XPO5: variants seen among roughly 807,000 people sequenced by gnomAD.
XPO5 encodes the protein exportin-5.
A neutral mutation model predicts 160.6 loss-of-function variants in XPO5; 46 were observed. That is an observed-to-expected ratio of 0.29 (90% CI 0.23 to 0.37). The LOEUF is 0.37. Ranked by LOEUF, XPO5 falls within the 10% of genes least tolerant of loss-of-function variation. XPO5 has a pLI of 1.00. For missense variants in XPO5, 1,090 were observed against 1,463.9 expected (o/e 0.74, Z 4.17); for synonymous variants, 537 against 519.3 (o/e 1.03, Z -0.46).
At chr6:43,531,388 C>G in intron 22 of XPO5, 91 bp downstream of exon 22, 1 of 1,193,152 alleles carries the variant, frequency 8.4e-7, no homozygotes, top group South Asian at 1.2e-5. Context: ...CTCGCCTTAC[C>G]TGTACACTAG....
chr6:43,555,753 T>G, intron 13 of XPO5, 83 bp downstream of exon 13: 1 of 1,555,734 alleles, frequency 6.4e-7, no homozygotes, highest in Non-Finnish European at 8.8e-7. Context: ...TTCTGATGTG[T>G]GTATAGCTCA....
chr6:43,535,185 G>A (rs1582206003), intron 20 of XPO5, among the ~76,000 whole-genome samples: 1 of 151,674 alleles, frequency 6.6e-6, no homozygotes, highest in South Asian at 2.1e-4. Context: ...CCAGCTACTC[G>A]GGAGGCTGAG....
intron 20 of XPO5, among the ~76,000 whole-genome samples, chr6:43,537,564 G>A (rs769962564): frequency 1.3e-5 from 2 of 152,142 alleles, no homozygotes; most frequent in Non-Finnish European, 2.9e-5. Context: ...ATGTTCCAAC[G>A]GAAGTTTACT....
rs781443604 is a variant in XPO5 at position 43,523,720 on chromosome 6, C to T, written c.*148G>A. On this transcript the variant is annotated 3_prime_UTR_variant, in exon 32 of 32. Coordinates refer to ENST00000265351, the MANE Select transcript of XPO5 (RefSeq NM_020750.3). ...AATTACTTCTGGTCCTGCACAGGGC[C>T]TGTTCTCTCCAGCTCCAGACCTGGA... The T allele has an allele frequency of 7.9e-7, 1 of 1,262,640 alleles. No individual in the cohort carries two copies. Among genetic ancestry groups the T allele is most frequent in the Non-Finnish European group, 1.2e-6 (1 of 859,960 alleles). The allele number at this position is 1,262,640 out of a possible 1,614,324, so 78.2% of individuals were successfully genotyped here.
In XPO5 at chr6:43,553,428, A is replaced by C. The variant is rs774990366; in HGVS notation, c.1517T>G (p.Met506Arg). 6.2e-7 allele frequency: 1 copy of C among 1,602,662 alleles called. No homozygotes were observed. Residue 506 changes from methionine (M) to arginine (R), a missense_variant, in exon 14 of 32, where the codon ATG (methionine) becomes AGG (arginine). By Grantham distance (91) the Met-to-Arg change is moderately conservative. Transcript: ENST00000265351. ...GATAACACTTTCCAAAAAAAGAGTC[A>C]TGGCTTCCCACTGCACGAATGAAGG... ...FSPSFVQWEAMTLFLESVITQ... is the reference protein window; with the variant it reads ...FSPSFVQWEARTLFLESVITQ...
chr6:43,524,857 G>C lies in XPO5; in HGVS notation c.3286C>G (p.Leu1096Val). The change falls in exon 30 of 32, where the codon CTG becomes GTG. Residue 1096 changes from leucine to valine, a missense_variant. Coordinates refer to ENST00000265351, the MANE Select transcript of XPO5 (RefSeq NM_020750.3). ...AGTGCCTCGTATATCTGGAAGGCCA[G>C]ATGGACCAGGGAAGCCATGCACCCG... ...HDGCMASLVH[L>V]AFQIYEALRP... is the part of the protein sequence containing the mutation. 6.2e-7 allele frequency: 1 copy of C among 1,613,866 alleles called. No homozygotes were observed. Among genetic ancestry groups the C allele is most frequent in the Non-Finnish European group, 8.5e-7 (1 of 1,179,904 alleles).
chr6:43,546,899 C>T, intron 19 of XPO5, 147 bp from the exon 20 acceptor site: 2 of 838,820 alleles, frequency 2.4e-6, no homozygotes, highest in South Asian at 4.0e-5. Context: ...AATCCCCCAT[C>T]CCTTCCTTTA....
At chr6:43,542,225 A>C (rs1561872823) in intron 20 of XPO5, among the ~76,000 whole-genome samples, 1 of 152,130 alleles carries the variant, frequency 6.6e-6, no homozygotes, top group East Asian at 1.9e-4. Context: ...TTCTGAAAGT[A>C]CTGTAACACT....
At position 43,527,718 on chromosome 6, in the gene XPO5, C is replaced by T; in HGVS notation, c.2836G>A (p.Ala946Thr). 1 of 1,613,968 alleles carries T rather than the reference C, an allele frequency of 6.2e-7. No individual in the cohort carries two copies. Among genetic ancestry groups the T allele is most frequent in the South Asian group, 1.1e-5 (1 of 91,076 alleles). The change falls in exon 26 of 32, where the codon GCT becomes ACT. Residue 946 changes from alanine to threonine, a missense_variant. Transcript: ENST00000265351. ...TGAGACTCTGGGTTTTCATCTGCAGCCTCATCTTCTCCACTGCAGAAAACC... is the reference window on the plus strand; with the variant it reads ...TGAGACTCTGGGTTTTCATCTGCAGTCTCATCTTCTCCACTGCAGAAAACC... ...QRSLLCGEDEAADENPESQEM... is the reference protein window; with the variant it reads ...QRSLLCGEDETADENPESQEM...
chr6:43,571,111 A>G, intron 3 of XPO5, 117 bp from the exon 4 acceptor site: 1 of 1,032,972 alleles, frequency 9.7e-7, no homozygotes, highest in South Asian at 1.6e-5. Context: ...TAAACCAAAC[A>G]GAACAAATGA....
intron 18 of XPO5, among the ~76,000 whole-genome samples, 166 bp from the exon 19 acceptor site, chr6:43,547,873 C>T (rs1348134740): frequency 6.6e-6 from 1 of 152,128 alleles, no homozygotes; most frequent in Non-Finnish European, 1.5e-5. Flanking sequence ...GTTTAAATTT[C>T]CCTTCCCACT....
In XPO5 at chr6:43,566,178, A is replaced by G. The variant is rs1762685502; in HGVS notation, c.835-442T>C. Among the ~76,000 whole-genome samples the G allele has an allele frequency of 5.9e-5, 9 of 152,158 alleles. No individual in the cohort carries two copies. The South Asian group carries it at 1.9e-3, about 31-fold the overall frequency. On this transcript the variant is annotated intron_variant, in intron 7 of 31. Transcript: ENST00000265351. ...GAGGTCAAAGCAGGTGGATCACTTG[A>G]GGTCAAAAGTTCGAGACCAGCCTGG...
chr6:43,538,768 TTTC>T, intron 20 of XPO5: 1 of 654,306 alleles, frequency 1.5e-6, no homozygotes, highest in Non-Finnish European at 2.5e-6. Context: ...GCACTACATT[TTTC>T]TTTTTTTTTT....
At chr6:43,570,195 C>T (rs2127755350) in intron 5 of XPO5, among the ~76,000 whole-genome samples, 1 of 148,830 alleles carries the variant, frequency 6.7e-6, no homozygotes, top group South Asian at 2.1e-4. Flanking sequence ...GCCTGTAGTC[C>T]CAGCTACTTG....
At chr6:43,535,263 AAACAAC>A (rs200414208) in intron 20 of XPO5, among the ~76,000 whole-genome samples, 7 of 151,496 alleles carry the variant, frequency 4.6e-5, no homozygotes, top group South Asian at 2.1e-4. Flanking sequence ...CTGTCTCAAA[AAACAAC>A]AACAACAACA....
At chr6:43,528,291 A>G (rs1793725418) in intron 24 of XPO5, 86 bp from the exon 25 acceptor site, 7 of 1,375,290 alleles carry the variant, frequency 5.1e-6, no homozygotes, top group Non-Finnish European at 7.1e-6. Flanking sequence ...CTTCATGATT[A>G]AAATTAGCCA....
intron 8 of XPO5, among the ~76,000 whole-genome samples, chr6:43,563,275 T>C (rs565232747): frequency 5.3e-5 from 8 of 152,232 alleles, no homozygotes; most frequent in South Asian, 4.1e-4. Context: ...ATAAAGCGCA[T>C]GCCACCATAC....
chr6:43,524,101 AAC>A (rs1793378780), intron 31 of XPO5, 96 bp from the exon 32 acceptor site: 2 of 1,510,290 alleles, frequency 1.3e-6, no homozygotes, highest in African/African-American at 2.8e-5. Context: ...CTGTAATCCC[AAC>A]ACTTTTGGGA....
chr6:43,535,136 C>A (rs1395106815), intron 20 of XPO5, among the ~76,000 whole-genome samples: 1 of 150,326 alleles, frequency 6.7e-6, no homozygotes, highest in Non-Finnish European at 1.5e-5. Context: ...ACTAAAAATA[C>A]AAAAAATTAG....
Sources: allele counts gnomAD v4.1 joint callset (sites outside exome capture counted in the v4.1 genomes callset), GRCh38; gene constraint gnomAD v4.1.1; transcripts MANE v1.5; gene names NCBI Gene and HGNC (gene_info 2026-07-23, HGNC 2026-07-21).